The following STEAP4 variants were observed in gnomAD, a reference collection of about 807,000 sequenced individuals.
STEAP4 encodes the protein STEAP4 metalloreductase, also known as metalloreductase STEAP4.
STEAP4 carries 36 observed loss-of-function variants against 43.6 expected under a neutral mutation model. The observed-to-expected ratio is 0.83, with a 90% confidence interval of 0.63 to 1.09. STEAP4 has a LOEUF of 1.09. STEAP4 is among the 50% of genes least tolerant of loss of function. The pLI is 0.00. For synonymous variants in STEAP4, 191 were observed against 196.7 expected, an observed-to-expected ratio of 0.97 and a Z score of 0.24; for missense variants, 495 against 546.5, an observed-to-expected ratio of 0.91 and a Z score of 0.94.
chr7:88,286,807 A>ACACG, intron 1 of STEAP4, among the ~76,000 whole-genome samples: 1 of 109,512 alleles, frequency 9.1e-6, no homozygotes, highest in Non-Finnish European at 2.3e-5. Flanking sequence ...ACACACACAC[A>ACACG]CGCAAACAAT....
chr7:88,306,027 C>T (rs1024963200), intron 1 of STEAP4, among the ~76,000 whole-genome samples: 1 of 152,214 alleles, frequency 6.6e-6, no homozygotes, highest in Non-Finnish European at 1.5e-5. Context: ...TGCCACCACG[C>T]CTGGCTAATT....
intron 1 of STEAP4, chr7:88,292,336 C>A (rs1852849184): frequency 6.6e-6 from 1 of 152,056 alleles, no homozygotes; most frequent in South Asian, 2.1e-4. Flanking sequence ...GGCTCAGGCC[C>A]TTCCAGCTTT....
intron 1 of STEAP4, chr7:88,298,387 A>T (rs554686890): frequency 3.4e-4 from 51 of 152,028 alleles, no homozygotes; most frequent in African/African-American, 1.2e-3. Flanking sequence ...GTCAACTAGA[A>T]CTAAGATAAA....
chr7:88,289,013 AG>A (rs1852789802), intron 1 of STEAP4, among the ~76,000 whole-genome samples: 2 of 151,948 alleles, frequency 1.3e-5, no homozygotes, highest in Non-Finnish European at 1.5e-5. Flanking sequence ...TCCAATATGT[AG>A]TTTAAGCTTT....
intron 3 of STEAP4, chr7:88,281,933 A>G (rs1852627107): frequency 1.3e-5 from 2 of 152,266 alleles, no homozygotes; most frequent in South Asian, 4.1e-4. Flanking sequence ...TACTTAAAAG[A>G]TGGTTGGTTT....
chr7:88,304,640 TTGTGTG>T (rs148793788), intron 1 of STEAP4, among the ~76,000 whole-genome samples: 10 of 147,714 alleles, frequency 6.8e-5, no homozygotes, highest in Non-Finnish European at 1.1e-4. Context: ...GTTGCTGCTG[TTGTGTG>T]TGTGTGTGTG....
rs1360365694 is a variant in STEAP4 at position 88,275,840 on chromosome 7, C to T, written c.*3558G>A. 1 of 152,146 alleles carries T rather than the reference C, an allele frequency of 6.6e-6. No homozygotes were observed. Among genetic ancestry groups the T allele is most frequent in the East Asian group, 1.9e-4 (1 of 5,192 alleles). The allele number at this position is 152,146 out of a possible 1,614,324, so 9.4% of individuals were successfully genotyped here. On this transcript the variant is annotated 3_prime_UTR_variant, in exon 5 of 5. Coordinates refer to ENST00000380079, the MANE Select transcript of STEAP4 (RefSeq NM_024636.4). ...CCCTGAACAATAGATGAATGAAGAGCTCCTGAATGAATTTCTAATTGAAAT... is the reference window on the plus strand; with the variant it reads ...CCCTGAACAATAGATGAATGAAGAGTTCCTGAATGAATTTCTAATTGAAAT...
intron 1 of STEAP4, chr7:88,290,876 CT>C (rs1488725493): frequency 6.6e-6 from 1 of 152,088 alleles, no homozygotes; most frequent in African/African-American, 2.4e-5. Context: ...TAAAACTTTC[CT>C]TTTTCAAACC....
At position 88,277,371 on chromosome 7, in the gene STEAP4, G is replaced by C. The variant is rs1266691335; in HGVS notation, c.*2027C>G. Reference sequence around the variant, plus strand: ...GAAATAAAAAAGACAATCTACAATGGTGCGATGAAAGCAACACCCTCATCC... The same window carrying C: ...GAAATAAAAAAGACAATCTACAATGCTGCGATGAAAGCAACACCCTCATCC... On this transcript the variant is annotated 3_prime_UTR_variant, in exon 5 of 5. Coordinates refer to ENST00000380079, the MANE Select transcript of STEAP4 (RefSeq NM_024636.4). The C allele has an allele frequency of 6.6e-6, 1 of 152,060 alleles. No homozygotes were observed. The highest frequency in any genetic ancestry group is 1.5e-5 in the Non-Finnish European group (1 of 68,028). The allele number at this position is 152,060 out of a possible 1,614,324, so 9.4% of individuals were successfully genotyped here.
chr7:88,302,774 C>T (rs1853057945), intron 1 of STEAP4, among the ~76,000 whole-genome samples: 1 of 151,596 alleles, frequency 6.6e-6, no homozygotes, highest in Non-Finnish European at 1.5e-5. Flanking sequence ...GCAAAAATGG[C>T]GAAACCCCAT....
Position 88,282,684 on chromosome 7 carries a change from C to T in STEAP4, c.941G>A (p.Arg314Gln), listed in dbSNP as rs368689133. ...TCCCAATCTCCATCGTACATAATAT[C>T]GAATAGGAATCACAAGTGTGTAGAG... is the stretch of plus-strand genomic sequence containing the variant. ...HVLYTLVIPI[R>Q]YYVRWRLGNL... The change falls in exon 3 of 5, where the codon CGA becomes CAA. Residue 314 changes from arginine (R) to glutamine (Q), a missense_variant. Coordinates refer to ENST00000380079, the MANE Select transcript of STEAP4 (RefSeq NM_024636.4). 3.7e-6 allele frequency: 6 copies of T among 1,613,868 alleles called. No homozygotes were observed. The highest frequency in any genetic ancestry group is 2.2e-5 in the East Asian group (1 of 44,874).
At position 88,279,458 on chromosome 7, in the gene STEAP4, T is replaced by A. The variant is rs183185041; in HGVS notation, c.1320A>T (p.Pro440=). Residue 440 remains proline, a synonymous_variant, in exon 5 of 5, where the codon CCA becomes CCT. Coordinates refer to ENST00000380079, the MANE Select transcript of STEAP4 (RefSeq NM_024636.4). ...TCCTTGTAAGGGTGTTGTCTACACA[T>A]GGCATGATTAGGACAAACTTGATCA... ...VLVIKFVLIM[P]CVDNTLTRIR... 1.0e-3 allele frequency: 1,657 copies of A among 1,614,142 alleles called. 1 individual carries two copies. The highest frequency in any genetic ancestry group is 1.3e-3 in the Non-Finnish European group (1,565 of 1,180,020).
In STEAP4 at chr7:88,275,923, C is replaced by G. The variant is rs1852507309; in HGVS notation, c.*3475G>C. 6.6e-6 allele frequency: 1 copy of G among 152,096 alleles called. No homozygotes were observed. Among genetic ancestry groups the G allele is most frequent in the Admixed American group, 6.5e-5 (1 of 15,270 alleles). The allele number at this position is 152,096 out of a possible 1,614,324, so 9.4% of individuals were successfully genotyped here. Reference sequence around the variant, plus strand: ...CAGCTTCCTCCAGGTTGTCAGTCCTCTCTTTATTTGTAAGTTTTAATACTA... The same window carrying G: ...CAGCTTCCTCCAGGTTGTCAGTCCTGTCTTTATTTGTAAGTTTTAATACTA... On this transcript the variant is annotated 3_prime_UTR_variant, in exon 5 of 5. Coordinates refer to ENST00000380079, the MANE Select transcript of STEAP4 (RefSeq NM_024636.4).
At position 88,284,045 on chromosome 7, in the gene STEAP4, G is replaced by C; in HGVS notation, c.225C>G (p.Gly75=). ...LSYSEAAKKS[G]IIIIAIHREH... ...CTCTGTGGATTGCTATGATTATGAT[G>C]CCAGACTTCTTGGCTGCTTCTGAAT... is the stretch of plus-strand genomic sequence containing the variant. The change falls in exon 2 of 5, where the codon GGC becomes GGG. Residue 75 remains glycine (G), a synonymous_variant. Transcript: ENST00000380079. 1 of 1,614,110 alleles carries C rather than the reference G, an allele frequency of 6.2e-7. No individual in the cohort carries two copies. Among genetic ancestry groups the C allele is most frequent in the Non-Finnish European group, 8.5e-7 (1 of 1,180,024 alleles).
chr7:88,294,398 G>GA (rs796944370), intron 1 of STEAP4, among the ~76,000 whole-genome samples: 1,644 of 146,768 alleles, frequency 0.011, 27 homozygotes, highest in African/African-American at 0.039. Context: ...AACTTAAAAT[G>GA]AAAAAAAAAA....
Position 88,283,264 on chromosome 7 carries a change from C to T in STEAP4, c.457-96G>A, listed in dbSNP as rs112845673. The stretch of plus-strand genomic sequence containing the variant: ...ACAACAGCACCATGCCAAATGATGA[C>T]GTAAAACAGTGAACCGATTTTAAAA... On this transcript the variant is annotated intron_variant, in intron 2 of 4. Transcript: ENST00000380079. 2,021 of 1,276,964 alleles carry T rather than the reference C, an allele frequency of 1.6e-3. 15 individuals carry two copies. The African/African-American group carries it at 0.026, about 17-fold the overall frequency. The allele number at this position is 1,276,964 out of a possible 1,614,324, so 79.1% of individuals were successfully genotyped here.
chr7:88,285,506 G>T (rs1340319799), intron 1 of STEAP4, among the ~76,000 whole-genome samples: 1 of 151,840 alleles, frequency 6.6e-6, no homozygotes, highest in African/African-American at 2.4e-5. Flanking sequence ...AAATAATGTG[G>T]TACTATCAAA....
At chr7:88,291,638 TG>T (rs1357822598) in intron 1 of STEAP4, among the ~76,000 whole-genome samples, 1 of 152,206 alleles carries the variant, frequency 6.6e-6, no homozygotes, top group East Asian at 1.9e-4. Flanking sequence ...AATAGCTGTG[TG>T]TAAATATACG....
At chr7:88,283,697 C>T in intron 2 of STEAP4, 117 bp downstream of exon 2, 1 of 1,145,386 alleles carries the variant, frequency 8.7e-7, no homozygotes, top group South Asian at 1.6e-5. Context: ...CACATATTAG[C>T]AAAATGTAAT....
Sources: allele counts gnomAD v4.1 joint callset (sites outside exome capture counted in the v4.1 genomes callset), GRCh38; gene constraint gnomAD v4.1.1; transcripts MANE v1.5; gene names NCBI Gene and HGNC (gene_info 2026-07-23, HGNC 2026-07-21).